Variants in GCH1 observed in about 807,000 individuals in gnomAD.
GCH1 encodes the protein GTP cyclohydrolase I.
GCH1 carries 5 observed loss-of-function variants against 25.9 expected under a neutral mutation model. The observed-to-expected ratio is 0.19, with a 90% CI of 0.10 to 0.41. The LOEUF is 0.41. GCH1 is among the 10% of genes least tolerant of loss of function. The pLI is 1.00. For missense variants in GCH1, 261 were observed against 336.5 expected (o/e 0.78, Z 1.75); for synonymous variants, 159 against 129.6 (o/e 1.23, Z -1.54).
chr14:54,864,756 A>G (rs2039966979), intron 2 of GCH1, among the ~76,000 whole-genome samples: 1 of 152,218 alleles, frequency 6.6e-6, no homozygotes, highest in African/African-American at 2.4e-5. Flanking sequence ...CTAAAGTTTC[A>G]TAAGACTAGG....
chr14:54,872,863 G>A (rs544302009), intron 1 of GCH1, among the ~76,000 whole-genome samples: 2 of 152,176 alleles, frequency 1.3e-5, no homozygotes, highest in African/African-American at 4.8e-5. Context: ...CAAGTCCTTA[G>A]AGACCTACAA....
At position 54,843,027 on chromosome 14, in the gene GCH1, G is replaced by T; in HGVS notation, c.*990C>A. The T allele has an allele frequency of 1.2e-6, 1 of 858,718 alleles. No individual in the cohort carries two copies. Among genetic ancestry groups the T allele is most frequent in the Non-Finnish European group, 2.0e-6 (1 of 491,168 alleles). 53.2% of individuals were successfully genotyped at this position (858,718 alleles called of 1,614,324 possible). A position where few individuals can be genotyped will look rare whatever the true frequency, so the allele number is the denominator to read the frequency against. On this transcript the variant is annotated 3_prime_UTR_variant, in exon 6 of 6. Coordinates refer to ENST00000491895, the MANE Select transcript of GCH1 (RefSeq NM_000161.3). ...CGTCAGTTCATTCTGTGCTCGTTCA[G>T]GTGCGTGGAAGCTATGGTTCTGCAG...
chr14:54,892,316 A>T (rs571874128), intron 1 of GCH1, among the ~76,000 whole-genome samples: 45 of 152,322 alleles, frequency 3.0e-4, no homozygotes, highest in African/African-American at 1.1e-3. Flanking sequence ...GGATAAGGGG[A>T]ACTACTGTAT....
intron 1 of GCH1, among the ~76,000 whole-genome samples, chr14:54,884,183 A>C (rs951617253): frequency 1.3e-5 from 2 of 152,206 alleles, no homozygotes. Flanking sequence ...TTGGAGAATG[A>C]CTAGAGGTTA....
At chr14:54,897,580 C>A (rs549309211) in intron 1 of GCH1, among the ~76,000 whole-genome samples, 3 of 152,058 alleles carry the variant, frequency 2.0e-5, no homozygotes, top group Non-Finnish European at 4.4e-5. Context: ...TGAGCCACCG[C>A]GCCCGGCTAC....
intron 1 of GCH1, among the ~76,000 whole-genome samples, chr14:54,889,173 C>T (rs1403309365): frequency 5.3e-5 from 8 of 152,126 alleles, no homozygotes; most frequent in Non-Finnish European, 1.0e-4. Flanking sequence ...CAGGGCTGCC[C>T]ATGTGATAAA....
At chr14:54,883,669 A>G (rs986047199) in intron 1 of GCH1, among the ~76,000 whole-genome samples, 2 of 152,114 alleles carry the variant, frequency 1.3e-5, no homozygotes, top group African/African-American at 4.8e-5. Context: ...ACAGAGCAAG[A>G]TTCTGTCTCA....
chr14:54,843,361 C>T lies in GCH1; in HGVS notation c.*656G>A, dbSNP rs1295975369. On this transcript the variant is annotated 3_prime_UTR_variant, in exon 6 of 6. Transcript: ENST00000491895. The stretch of plus-strand genomic sequence containing the variant: ...GACACGAGAATACACTCGTAAACAA[C>T]ACCAGGAACTAATTCCCTATTCTTG... The T allele has an allele frequency of 6.3e-6, 8 of 1,273,800 alleles. No homozygotes were observed. Among genetic ancestry groups the T allele is most frequent in the Non-Finnish European group, 5.9e-6 (6 of 1,012,734 alleles). 78.9% of individuals were successfully genotyped at this position (1,273,800 alleles called of 1,614,324 possible).
chr14:54,862,741 C>T (rs892787221), intron 2 of GCH1, among the ~76,000 whole-genome samples: 2 of 151,548 alleles, frequency 1.3e-5, no homozygotes, highest in African/African-American at 4.9e-5. Flanking sequence ...TGACGTAAGC[C>T]ACCGTGCCCA....
intron 1 of GCH1, chr14:54,884,787 C>CAAAAAAA (rs1449625444): frequency 7.6e-6 from 1 of 132,028 alleles, no homozygotes; most frequent in African/African-American, 3.3e-5. Flanking sequence ...ACAACAACAA[C>CAAAAAAA]AACAACAACA....
intron 1 of GCH1, among the ~76,000 whole-genome samples, chr14:54,888,148 T>G (rs965467782): frequency 7.9e-5 from 12 of 152,174 alleles, no homozygotes; most frequent in African/African-American, 2.7e-4. Flanking sequence ...ATAAGAAACC[T>G]TTTCAAAAAT....
rs371734881 is a variant in GCH1 at position 54,888,516 on chromosome 14, G to GT, written c.343+13804dup. ...AGCACAAAGCTTTGTTGACATACTAGTTTTTTTTTTTTTTGAGATGGAGTC... is the reference window on the plus strand; with the variant it reads ...AGCACAAAGCTTTGTTGACATACTAGTTTTTTTTTTTTTTTGAGATGGAGTC... On this transcript the variant is annotated intron_variant, in intron 1 of 5. Coordinates refer to ENST00000491895, the MANE Select transcript of GCH1 (RefSeq NM_000161.3). 9.7e-3 allele frequency among the ~76,000 whole-genome samples: 1,327 copies of GT among 136,758 alleles called. 5 individuals are homozygous for GT. Among genetic ancestry groups the GT allele is most frequent in the Non-Finnish European group, 0.012 (789 of 64,830 alleles). The allele number at this position is 136,758 out of a possible 152,430, so 89.7% of individuals were successfully genotyped here.
intron 1 of GCH1, among the ~76,000 whole-genome samples, chr14:54,867,603 A>AAAAAAAAAC (rs2040007201): frequency 6.6e-6 from 1 of 150,754 alleles, no homozygotes; most frequent in Non-Finnish European, 1.5e-5. Context: ...AAAAAAAAAA[A>AAAAAAAAAC]AAAAAAAAAA....
intron 1 of GCH1, among the ~76,000 whole-genome samples, chr14:54,877,540 C>T (rs1366285187): frequency 3.9e-5 from 6 of 152,038 alleles, no homozygotes; most frequent in African/African-American, 1.4e-4. Flanking sequence ...GTTGCCCAGG[C>T]TGGAATGCAG....
chr14:54,877,820 C>T (rs750051178), intron 1 of GCH1, among the ~76,000 whole-genome samples: 7 of 152,076 alleles, frequency 4.6e-5, no homozygotes, highest in Non-Finnish European at 8.8e-5. Context: ...AAGCATACTT[C>T]GAAACAGGGG....
intron 1 of GCH1, among the ~76,000 whole-genome samples, chr14:54,874,147 A>G (rs1451385190): frequency 1.3e-5 from 2 of 152,226 alleles, no homozygotes; most frequent in Non-Finnish European, 1.5e-5. Flanking sequence ...TGTCCACCAG[A>G]TCAAGTGGGC....
intron 1 of GCH1, among the ~76,000 whole-genome samples, chr14:54,892,665 G>A (rs2040438129): frequency 6.6e-6 from 1 of 152,014 alleles, no homozygotes; most frequent in South Asian, 2.1e-4. Flanking sequence ...CTCCAGCCTG[G>A]GCGGAAGAGC....
rs104894442 is a variant in GCH1, at chr14:54,844,023, C to G, written c.747G>C (p.Arg249Ser). The change falls in exon 6 of 6, where the codon AGG becomes AGC. Residue 249 changes from arginine to serine, a missense_variant. Coordinates refer to ENST00000491895, the MANE Select transcript of GCH1 (RefSeq NM_000161.3). ...CACACACACTGAATGAAGCTCAGCT[C>G]CTAATGAGAGTCAGGAACTCTTCCC... ...KTREEFLTLI[R>S]S 1.2e-6 allele frequency: 2 copies of G among 1,614,172 alleles called. No homozygotes were observed. The highest frequency in any genetic ancestry group is 1.7e-5 in the Admixed American group (1 of 60,020).
Position 54,843,719 on chromosome 14 carries a change from C to G in GCH1, c.*298G>C. 1 of 1,611,470 alleles carries G rather than the reference C, an allele frequency of 6.2e-7. No homozygotes were observed. The highest frequency in any genetic ancestry group is 8.5e-7 in the Non-Finnish European group (1 of 1,179,324). ...TACTGTACTATTTGAAAAAAATACA[C>G]TAATTCTTCTCCCTTCCCAGGCCCC... is the stretch of plus-strand genomic sequence containing the variant. On this transcript the variant is annotated 3_prime_UTR_variant, in exon 6 of 6. Coordinates refer to ENST00000491895, the MANE Select transcript of GCH1 (RefSeq NM_000161.3).
Sources: allele counts gnomAD v4.1 joint callset (sites outside exome capture counted in the v4.1 genomes callset), GRCh38; gene constraint gnomAD v4.1.1; transcripts MANE v1.5; gene names NCBI Gene and HGNC (gene_info 2026-07-23, HGNC 2026-07-21).